PUDP: variants seen among roughly 807,000 people sequenced by gnomAD.
The protein encoded by PUDP is pseudouridine 5'-phosphatase.
PUDP carries 8 observed loss-of-function variants against 9.4 expected under a neutral mutation model. That is an observed-to-expected ratio of 0.85 (90% CI 0.50 to 1.53). The LOEUF is 1.53. Among genes scored for constraint, PUDP ranks in the 40% most tolerant of loss-of-function variants. The pLI is 0.00. For synonymous variants in PUDP, 99 were observed against 80.7 expected (o/e 1.23, Z -1.22); for missense variants, 188 against 189.7 (o/e 0.99, Z 0.05).
At chrX:7,082,387 T>C (rs1401892456) in intron 2 of PUDP, among the ~76,000 whole-genome samples, 1 of 112,381 alleles carries the variant, frequency 8.9e-6, no homozygotes, top group African/African-American at 3.2e-5. Flanking sequence ...TGTTGGGTGA[T>C]CTGGCCATCA....
chrX:7,117,836 G>A (rs187367153), intron 1 of PUDP, among the ~76,000 whole-genome samples: 6 of 112,996 alleles, frequency 5.3e-5, no homozygotes, highest in Non-Finnish European at 9.4e-5. Flanking sequence ...GAGAAGGGTG[G>A]TTTCCTGAGC....
intron 1 of PUDP, among the ~76,000 whole-genome samples, chrX:7,120,239 GTAAT>G (rs773124795): frequency 9.0e-6 from 1 of 111,721 alleles, no homozygotes; most frequent in Non-Finnish European, 1.9e-5. Context: ...ATTTGCAAAA[GTAAT>G]TAAGAATCTT....
At chrX:7,128,763 G>A (rs1276779164) in intron 1 of PUDP, among the ~76,000 whole-genome samples, 2 of 111,901 alleles carry the variant, frequency 1.8e-5, no homozygotes, top group Non-Finnish European at 3.8e-5. Flanking sequence ...AACTATCCAA[G>A]TACTGCACAA....
chrX:6,933,250 T>C (rs1021022224), intron 3 of PUDP, among the ~76,000 whole-genome samples: 1 of 109,395 alleles, frequency 9.1e-6, no homozygotes, highest in African/African-American at 3.3e-5. Flanking sequence ...AGGGGCAGAC[T>C]GACACTTCAC....
intron 1 of PUDP, among the ~76,000 whole-genome samples, chrX:7,117,706 G>A (rs1263070298): frequency 3.5e-5 from 4 of 113,246 alleles, no homozygotes; most frequent in African/African-American, 9.6e-5. Flanking sequence ...ACTTGCCAGA[G>A]AAATTTGCAT....
chrX:6,717,261 A>C (rs1363191784), intron 1 of PUDP, among the ~76,000 whole-genome samples: 2 of 111,299 alleles, frequency 1.8e-5, no homozygotes, highest in African/African-American at 6.5e-5. Context: ...GCACTTTTTC[A>C]GAATGATACC....
At chrX:6,714,632 T>C (rs1924575787) in intron 1 of PUDP, among the ~76,000 whole-genome samples, 1 of 110,618 alleles carries the variant, frequency 9.0e-6, no homozygotes, top group African/African-American at 3.3e-5. Context: ...TAAATGGAGA[T>C]GATAGAATGA....
At chrX:7,076,001 G>A (rs774459312) in intron 3 of PUDP, among the ~76,000 whole-genome samples, 1 of 111,039 alleles carries the variant, frequency 9.0e-6, no homozygotes, top group African/African-American at 3.3e-5. Context: ...GCTAACCGTA[G>A]GAGTCAGTGT....
intron 3 of PUDP, among the ~76,000 whole-genome samples, chrX:6,738,934 G>A (rs1203434056): frequency 9.0e-6 from 1 of 111,559 alleles, no homozygotes; most frequent in Non-Finnish European, 1.9e-5. Context: ...ACAAATTGAA[G>A]GTCGCATGGG....
intron 3 of PUDP, among the ~76,000 whole-genome samples, chrX:6,792,020 G>A (rs781336052): frequency 1.2e-4 from 13 of 111,671 alleles, no homozygotes; most frequent in Middle Eastern, 4.6e-3. Context: ...GTACGTAGGT[G>A]GCCAGTGTTG....
chrX:6,876,625 G>A (rs1190086554), intron 3 of PUDP, among the ~76,000 whole-genome samples: 5 of 91,014 alleles, frequency 5.5e-5, no homozygotes, highest in Non-Finnish European at 6.5e-5. Context: ...ACAAGACCCT[G>A]CACCTAAAAT....
intron 1 of PUDP, among the ~76,000 whole-genome samples, chrX:7,010,124 A>G (rs1462051117): frequency 8.9e-6 from 1 of 111,821 alleles, no homozygotes; most frequent in Non-Finnish European, 1.9e-5. Context: ...CACTTAATAC[A>G]TATCTGGTGA....
chrX:6,903,631 CT>C (rs777756723), intron 3 of PUDP, among the ~76,000 whole-genome samples: 4 of 111,295 alleles, frequency 3.6e-5, no homozygotes, highest in Non-Finnish European at 7.5e-5. Flanking sequence ...AATTCACGTC[CT>C]TTACGGCAAC....
chrX:6,708,819 C>T (rs1458108530), intron 1 of PUDP, among the ~76,000 whole-genome samples: 1 of 111,365 alleles, frequency 9.0e-6, no homozygotes, highest in Admixed American at 9.5e-5. Context: ...GTCCCTTAAA[C>T]GTCTAAAGGT....
intron 1 of PUDP, among the ~76,000 whole-genome samples, chrX:7,041,079 C>T (rs1463796090): frequency 8.9e-6 from 1 of 111,896 alleles, no homozygotes; most frequent in Non-Finnish European, 1.9e-5. Flanking sequence ...ATTAAACAGG[C>T]GATGAGCAGA....
At chrX:6,720,453 G>A (rs1924659790) in intron 1 of PUDP, among the ~76,000 whole-genome samples, 1 of 105,670 alleles carries the variant, frequency 9.5e-6, no homozygotes, top group Non-Finnish European at 1.9e-5. Flanking sequence ...ATCTAAAGAA[G>A]TTGAATTCCC....
intron 1 of PUDP, among the ~76,000 whole-genome samples, chrX:6,991,514 T>TA (rs753637994): frequency 9.1e-6 from 1 of 109,509 alleles, no homozygotes; most frequent in East Asian, 2.9e-4. Context: ...CCTGTCTCTA[T>TA]AAAAAATTTA....
chrX:6,931,239 G>C (rs1417070609), intron 3 of PUDP, among the ~76,000 whole-genome samples: 1 of 112,340 alleles, frequency 8.9e-6, no homozygotes, highest in African/African-American at 3.2e-5. Context: ...GAAGATTCTT[G>C]TGTTCCTGGT....
At chrX:6,903,342 G>A (rs1203322889) in intron 3 of PUDP, among the ~76,000 whole-genome samples, 1 of 111,502 alleles carries the variant, frequency 9.0e-6, no homozygotes, top group Non-Finnish European at 1.9e-5. Flanking sequence ...CAGTGTCTCA[G>A]TGGCCCACAG....
Sources: gnomAD v4.1 joint callset for allele counts (sites outside exome capture counted in the v4.1 genomes callset) on GRCh38, gnomAD v4.1.1 for gene constraint, MANE v1.5 for transcripts, NCBI Gene and HGNC (gene_info 2026-07-23, HGNC 2026-07-21) for gene names.